The following LIN28B variants were observed in gnomAD, a reference collection of about 807,000 sequenced individuals.
LIN28B encodes the protein protein lin-28 homolog B.
Under a neutral mutation model 21.9 loss-of-function variants are expected in LIN28B, and 5 were observed. That is an observed-to-expected ratio of 0.23 (90% CI 0.12 to 0.48). The LOEUF is 0.48. LIN28B is among the 20% of genes least tolerant of loss of function. The pLI, the probability that LIN28B is intolerant of heterozygous loss-of-function variation, is 0.98. For missense variants in LIN28B, 245 were observed against 310.5 expected, an observed-to-expected ratio of 0.79 and a Z score of 1.58; for synonymous variants, 109 against 111.3, an observed-to-expected ratio of 0.98 and a Z score of 0.13.
intron 2 of LIN28B, among the ~76,000 whole-genome samples, chr6:104,948,450 A>G (rs1027293369): frequency 1.3e-5 from 2 of 152,152 alleles, no homozygotes; most frequent in African/African-American, 4.8e-5. Flanking sequence ...CTGGGCAACA[A>G]GAGCAAAACT....
At chr6:104,957,719 C>T (rs1314958350) in intron 1 of LIN28B, among the ~76,000 whole-genome samples, 1 of 152,068 alleles carries the variant, frequency 6.6e-6, no homozygotes, top group African/African-American at 2.4e-5. Context: ...CTCGTGCCCG[C>T]CGGAGAGAAT....
intron 3 of LIN28B, among the ~76,000 whole-genome samples, chr6:105,070,502 T>C (rs1036033775): frequency 2.9e-4 from 44 of 151,808 alleles, no homozygotes; most frequent in African/African-American, 1.0e-3. Flanking sequence ...TCCTAGCACA[T>C]TGGGAGGCCA....
chr6:105,058,936 A>G (rs1324659465), intron 3 of LIN28B, among the ~76,000 whole-genome samples: 2 of 152,160 alleles, frequency 1.3e-5, no homozygotes, highest in Non-Finnish European at 2.9e-5. Flanking sequence ...TATATAGTAC[A>G]TGGCTTTGGA....
At chr6:104,987,022 C>T (rs1770361207) in intron 2 of LIN28B, among the ~76,000 whole-genome samples, 1 of 152,176 alleles carries the variant, frequency 6.6e-6, no homozygotes, top group African/African-American at 2.4e-5. Context: ...AACTGCAATT[C>T]TTTCTTCCCA....
At chr6:104,945,604 G>C (rs1475943273) in intron 2 of LIN28B, among the ~76,000 whole-genome samples, 1 of 151,988 alleles carries the variant, frequency 6.6e-6, no homozygotes, top group African/African-American at 2.4e-5. Context: ...CAGGAATTTT[G>C]CCATTATTTT....
intron 2 of LIN28B, among the ~76,000 whole-genome samples, chr6:105,002,437 T>C (rs1770738057): frequency 6.6e-6 from 1 of 152,176 alleles, no homozygotes; most frequent in African/African-American, 2.4e-5. Flanking sequence ...CTACCTCAGA[T>C]TGTGATATAA....
chr6:105,003,908 A>G (rs756344771), intron 2 of LIN28B, among the ~76,000 whole-genome samples: 12 of 152,230 alleles, frequency 7.9e-5, no homozygotes, highest in Non-Finnish European at 1.8e-4. Context: ...CTAGAGGGAC[A>G]ACACTAATAG....
chr6:104,986,359 A>G (rs1420549032), intron 2 of LIN28B, among the ~76,000 whole-genome samples: 1 of 115,218 alleles, frequency 8.7e-6, no homozygotes. Context: ...CTGCTAATTC[A>G]TTGGCCTTTT....
chr6:104,966,652 C>A (rs375732180), intron 2 of LIN28B, among the ~76,000 whole-genome samples: 1 of 140,946 alleles, frequency 7.1e-6, no homozygotes, highest in African/African-American at 2.7e-5. Context: ...GACAGAGTCT[C>A]GCTACATTGC....
At chr6:105,029,136 C>T (rs1453799703) in intron 3 of LIN28B, among the ~76,000 whole-genome samples, 2 of 151,978 alleles carry the variant, frequency 1.3e-5, no homozygotes, top group South Asian at 2.1e-4. Flanking sequence ...TGAAAGCCTT[C>T]GTGGGTTGTG....
intron 2 of LIN28B, chr6:104,950,321 A>C: frequency 4.7e-6 from 2 of 422,978 alleles, no homozygotes; most frequent in Non-Finnish European, 8.0e-6. Flanking sequence ...GGTGAGTCTT[A>C]AACTGTAAAA....
intron 2 of LIN28B, among the ~76,000 whole-genome samples, chr6:104,961,166 A>G (rs980876245): frequency 2.0e-5 from 3 of 152,242 alleles, no homozygotes; most frequent in Non-Finnish European, 4.4e-5. Context: ...AAACATTGAT[A>G]TAGTTCAATA....
At chr6:104,958,361 C>A in intron 2 of LIN28B, 75 bp downstream of exon 2, 2 of 1,178,924 alleles carry the variant, frequency 1.7e-6, no homozygotes, top group Non-Finnish European at 2.4e-6. Context: ...TGCCAATAGA[C>A]GTACGATAAG....
intron 3 of LIN28B, among the ~76,000 whole-genome samples, chr6:105,031,776 C>A (rs767573943): frequency 5.9e-5 from 9 of 152,070 alleles, no homozygotes; most frequent in Non-Finnish European, 1.0e-4. Flanking sequence ...ACCTCGTGAT[C>A]CGCCCGCCTT....
intron 2 of LIN28B, among the ~76,000 whole-genome samples, chr6:104,965,107 G>A (rs534502118): frequency 2.6e-5 from 4 of 152,100 alleles, no homozygotes; most frequent in African/African-American, 9.6e-5. Flanking sequence ...TAATTAAGCT[G>A]GTCTTTTATG....
chr6:104,954,859 CAATA>C (rs1468007022), upstream of LIN28B, among the ~76,000 whole-genome samples: 4 of 152,102 alleles, frequency 2.6e-5, no homozygotes, highest in Non-Finnish European at 5.9e-5. Flanking sequence ...TCAAATTTAA[CAATA>C]AACAGATTCT....
intron 3 of LIN28B, among the ~76,000 whole-genome samples, chr6:104,951,051 G>A (rs144352740): frequency 5.3e-5 from 8 of 151,942 alleles, no homozygotes; most frequent in East Asian, 3.9e-4. Context: ...TTTGCTCCTC[G>A]TTTTCATATG....
chr6:105,021,176 G>C (rs778952138), intron 2 of LIN28B, among the ~76,000 whole-genome samples: 3 of 151,900 alleles, frequency 2.0e-5, no homozygotes, highest in Non-Finnish European at 2.9e-5. Context: ...CCTGCAGTCC[G>C]TTAATGTTGC....
chr6:104,943,760 T>C (rs910210545), intron 2 of LIN28B, among the ~76,000 whole-genome samples: 4 of 152,170 alleles, frequency 2.6e-5, no homozygotes, highest in Non-Finnish European at 4.4e-5. Context: ...CTGTATTTTC[T>C]TTACAAATAA....
Sources: allele counts gnomAD v4.1 joint callset (sites outside exome capture counted in the v4.1 genomes callset), GRCh38; gene constraint gnomAD v4.1.1; transcripts MANE v1.5; gene names NCBI Gene and HGNC (gene_info 2026-07-23, HGNC 2026-07-21).